The following PLXDC2 variants were observed in gnomAD, a reference collection of about 807,000 sequenced individuals.
PLXDC2 encodes the protein plexin domain-containing protein 2.
A neutral mutation model predicts 68.9 loss-of-function variants in PLXDC2; 40 were observed. The observed-to-expected ratio is 0.58, with a 90% confidence interval of 0.45 to 0.76. The LOEUF is 0.76. Among genes scored for constraint, PLXDC2 ranks in the 30% least tolerant of loss-of-function variants. PLXDC2 has a pLI of 0.00. For synonymous variants in PLXDC2, 243 were observed against 234.2 expected (o/e 1.04, Z -0.34); for missense variants, 644 against 661.9 (o/e 0.97, Z 0.30).
chr10:20,037,433 A>G (rs1049089646), intron 2 of PLXDC2, among the ~76,000 whole-genome samples: 3 of 151,738 alleles, frequency 2.0e-5, no homozygotes, highest in African/African-American at 7.3e-5. Context: ...ATATATATGC[A>G]TGTGCCATGT....
At chr10:20,217,076 C>A (rs1452778344) in intron 10 of PLXDC2, among the ~76,000 whole-genome samples, 2 of 152,104 alleles carry the variant, frequency 1.3e-5, no homozygotes, top group Non-Finnish European at 2.9e-5. Context: ...TCTTTATGCA[C>A]CTGTTTTTCT....
At chr10:20,265,092 T>C (rs1393644332) in intron 13 of PLXDC2, among the ~76,000 whole-genome samples, 1 of 152,146 alleles carries the variant, frequency 6.6e-6, no homozygotes, top group African/African-American at 2.4e-5. Flanking sequence ...AGAAAGAAAA[T>C]AGAGTAACCA....
chr10:20,279,846 A>G lies in PLXDC2; in HGVS notation c.*27A>G. The G allele has an allele frequency of 6.3e-7, 1 of 1,597,680 alleles. No homozygotes were observed. Among genetic ancestry groups the G allele is most frequent in the South Asian group, 1.1e-5 (1 of 90,582 alleles). ...ATTTCTAGGACAGAACAACACCAGT[A>G]CTGGTTTACAGGTGTTAAGACTAAA... On this transcript the variant is annotated 3_prime_UTR_variant, in exon 14 of 14. Coordinates refer to ENST00000377252, the MANE Select transcript of PLXDC2 (RefSeq NM_032812.9).
At chr10:19,971,020 C>G (rs1033996580) in intron 1 of PLXDC2, among the ~76,000 whole-genome samples, 8 of 152,318 alleles carry the variant, frequency 5.3e-5, no homozygotes, top group African/African-American at 1.9e-4. Context: ...AACCACGCAG[C>G]TGTTCCTAGA....
intron 2 of PLXDC2, among the ~76,000 whole-genome samples, chr10:20,018,270 C>A (rs1835246986): frequency 1.3e-5 from 2 of 152,166 alleles, no homozygotes; most frequent in South Asian, 4.1e-4. Context: ...CCAGGAGACA[C>A]TTCACTGCTG....
At chr10:19,853,657 G>C (rs1016821719) in intron 1 of PLXDC2, among the ~76,000 whole-genome samples, 1 of 149,054 alleles carries the variant, frequency 6.7e-6, no homozygotes, top group South Asian at 2.3e-4. Flanking sequence ...TTGGGTGGGG[G>C]GGGGGTTGCA....
chr10:20,216,543 C>T (rs943773119), intron 10 of PLXDC2, among the ~76,000 whole-genome samples: 3 of 152,048 alleles, frequency 2.0e-5, no homozygotes, highest in Admixed American at 6.6e-5. Flanking sequence ...GCACCTAGCG[C>T]TCCACTAATG....
intron 3 of PLXDC2, among the ~76,000 whole-genome samples, chr10:20,059,817 A>G (rs1371857628): frequency 6.6e-6 from 1 of 152,102 alleles, no homozygotes; most frequent in Non-Finnish European, 1.5e-5. Context: ...ATTATTAGTT[A>G]TCCTGCCCAC....
intron 4 of PLXDC2, among the ~76,000 whole-genome samples, chr10:20,111,431 T>C (rs1015278181): frequency 5.3e-5 from 8 of 152,356 alleles, no homozygotes; most frequent in Non-Finnish European, 8.8e-5. Context: ...AATTTGGATT[T>C]CTGAAAATAA....
At chr10:20,006,109 G>T (rs1835024604) in intron 2 of PLXDC2, among the ~76,000 whole-genome samples, 1 of 152,048 alleles carries the variant, frequency 6.6e-6, no homozygotes, top group South Asian at 2.1e-4. Context: ...GAGCACGGGA[G>T]TGTAGGTTGC....
At chr10:19,929,427 G>A (rs968645772) in intron 1 of PLXDC2, among the ~76,000 whole-genome samples, 1 of 152,104 alleles carries the variant, frequency 6.6e-6, no homozygotes, top group Non-Finnish European at 1.5e-5. Context: ...TTTCAGCAAC[G>A]TGAAAGGTTA....
In PLXDC2 at chr10:20,287,545, AT is replaced by A. The variant is rs5783732; in HGVS notation, c.*7729del. On this transcript the variant is annotated 3_prime_UTR_variant, in exon 14 of 14. Transcript: ENST00000377252. ...AATGAAAACATACTCAGATTGTCAC[AT>A]TTATAGCAGGGAAATAAAAACTCAA... The A allele has an allele frequency of 0.11, 16,316 of 152,146 alleles. 1,519 individuals are homozygous for A. The highest frequency in any genetic ancestry group is 0.43 in the East Asian group (2,201 of 5,116). 9.4% of individuals were successfully genotyped at this position (152,146 alleles called of 1,614,324 possible).
At chr10:20,006,443 G>A (rs940502209) in intron 2 of PLXDC2, among the ~76,000 whole-genome samples, 20 of 151,976 alleles carry the variant, frequency 1.3e-4, no homozygotes, top group Admixed American at 6.6e-4. Context: ...ATTTTGTCTC[G>A]TAGCCCTGAC....
intron 4 of PLXDC2, among the ~76,000 whole-genome samples, chr10:20,085,519 A>G (rs1258550867): frequency 6.6e-6 from 1 of 152,176 alleles, no homozygotes; most frequent in Non-Finnish European, 1.5e-5. Context: ...TGTTGCTAAG[A>G]TTGTTTCATT....
chr10:20,094,389 C>T (rs1833320784), intron 4 of PLXDC2, among the ~76,000 whole-genome samples: 1 of 152,170 alleles, frequency 6.6e-6, no homozygotes, highest in Non-Finnish European at 1.5e-5. Context: ...AGAGTTTTCA[C>T]TAATACACAA....
At chr10:20,033,701 A>G (rs1835537131) in intron 2 of PLXDC2, among the ~76,000 whole-genome samples, 1 of 152,194 alleles carries the variant, frequency 6.6e-6, no homozygotes, top group African/African-American at 2.4e-5. Flanking sequence ...AGCATGGGAA[A>G]GATTCACCCC....
At position 20,085,651 on chromosome 10, in the gene PLXDC2, A is replaced by T. The variant is rs547981121; in HGVS notation, c.541+17412A>T. 3.6e-4 allele frequency among the ~76,000 whole-genome samples: 55 copies of T among 152,264 alleles called. 1 individual carries two copies. In the South Asian group the frequency reaches 0.01, roughly 28 times the overall value. ...ATGGGAAAGTGATATGGATATGCGG[A>T]CCCAAAGCCCATCTAAGTACCTCTA... On this transcript the variant is annotated intron_variant, in intron 4 of 13. Transcript: ENST00000377252.
intron 1 of PLXDC2, among the ~76,000 whole-genome samples, chr10:19,864,048 T>G (rs1837369211): frequency 6.6e-6 from 1 of 152,202 alleles, no homozygotes; most frequent in African/African-American, 2.4e-5. Flanking sequence ...AGGGTCTCAC[T>G]CTGTTGCTCA....
intron 12 of PLXDC2, among the ~76,000 whole-genome samples, chr10:20,241,650 A>G (rs1376459811): frequency 2.0e-5 from 3 of 152,148 alleles, no homozygotes; most frequent in African/African-American, 2.4e-5. Flanking sequence ...ATGGTGGCAC[A>G]TGCCTGTAGC....
Sources: gnomAD v4.1 joint callset for allele counts (sites outside exome capture counted in the v4.1 genomes callset) on GRCh38, gnomAD v4.1.1 for gene constraint, MANE v1.5 for transcripts, NCBI Gene and HGNC (gene_info 2026-07-23, HGNC 2026-07-21) for gene names.